NHS: variants seen among roughly 807,000 people sequenced by gnomAD.
The protein encoded by NHS is actin remodeling regulator NHS.
A neutral mutation model predicts 72.5 loss-of-function variants in NHS; 5 were observed. That is an observed-to-expected ratio of 0.07 (90% CI 0.04 to 0.14). NHS has a LOEUF of 0.14. Among genes scored for constraint, NHS ranks in the 10% least tolerant of loss-of-function variants. NHS has a pLI of 1.00. For synonymous variants in NHS, 464 were observed against 547.7 expected, an observed-to-expected ratio of 0.85 and a Z score of 2.13; for missense variants, 1,072 against 1,355.7, an observed-to-expected ratio of 0.79 and a Z score of 3.29.
At chrX:17,639,141 T>C (rs2065867080) in intron 1 of NHS, among the ~76,000 whole-genome samples, 1 of 112,115 alleles carries the variant, frequency 8.9e-6, no homozygotes, top group South Asian at 3.8e-4. Flanking sequence ...CTTTCCTGGC[T>C]ACCCAGCTGG....
rs956816221 is a variant in NHS, at chrX:17,503,895, C to A, written c.565+127573C>A. ...TCCCAACATTGAGGAGGAGAAACAA[C>A]CCTTGAATGAATTGACTTCCCAAAG... is the stretch of plus-strand genomic sequence containing the variant. On this transcript the variant is annotated intron_variant, in intron 1 of 8. Transcript: ENST00000676302. Among the ~76,000 whole-genome samples, 6 of 111,375 alleles carry A rather than the reference C, an allele frequency of 5.4e-5. No homozygotes were observed. The East Asian group carries it at 1.7e-3, about 31-fold the overall frequency.
intron 1 of NHS, among the ~76,000 whole-genome samples, chrX:17,551,757 C>G (rs1303167097): frequency 6.3e-5 from 7 of 111,245 alleles, no homozygotes. Flanking sequence ...CCTCCCTGTG[C>G]CTGTTCGTTG....
At chrX:17,698,202 T>A (rs1217100120) in intron 3 of NHS, among the ~76,000 whole-genome samples, 2 of 111,343 alleles carry the variant, frequency 1.8e-5, no homozygotes, top group African/African-American at 6.5e-5. Flanking sequence ...GTCCTGATTA[T>A]TTGAAAAAAC....
At chrX:17,579,415 TCTC>T (rs1462228332) in intron 1 of NHS, among the ~76,000 whole-genome samples, 1 of 110,921 alleles carries the variant, frequency 9.0e-6, no homozygotes, top group African/African-American at 3.3e-5. Context: ...CAGCCTTGCT[TCTC>T]CTGCCTTTTT....
At chrX:17,729,637 T>A (rs2066474184) in intron 8 of NHS, among the ~76,000 whole-genome samples, 1 of 112,126 alleles carries the variant, frequency 8.9e-6, no homozygotes, top group African/African-American at 3.2e-5. Flanking sequence ...CCATGAGCCC[T>A]TGTGATCCAT....
At chrX:17,484,090 T>C (rs2064957818) in intron 1 of NHS, among the ~76,000 whole-genome samples, 1 of 112,461 alleles carries the variant, frequency 8.9e-6, no homozygotes, top group Non-Finnish European at 1.9e-5. Context: ...CATTGGTAGC[T>C]TGAAATCAAC....
intron 1 of NHS, among the ~76,000 whole-genome samples, chrX:17,621,745 G>T (rs1318937684): frequency 9.0e-6 from 1 of 110,969 alleles, no homozygotes; most frequent in East Asian, 2.8e-4. Context: ...GAGCCCCCCA[G>T]GTAGTGACTC....
chrX:17,572,771 C>T (rs188243699), intron 1 of NHS, among the ~76,000 whole-genome samples: 229 of 111,190 alleles, frequency 2.1e-3, no homozygotes, highest in Middle Eastern at 9.3e-3. Flanking sequence ...TTCTTCATAG[C>T]GTCAATGGTC....
Position 17,376,217 on chromosome X carries a change from G to C in NHS, c.460G>C (p.Glu154Gln), listed in dbSNP as rs1156244479. 2 of 1,187,101 alleles carry C rather than the reference G, an allele frequency of 1.7e-6. No individual in the cohort carries two copies. The highest frequency in any genetic ancestry group is 2.3e-6 in the Non-Finnish European group (2 of 888,820). The change falls in exon 1 of 9, where the codon GAG (glutamate) becomes CAG (glutamine). Residue 154 changes from glutamate (E) to glutamine (Q), a missense_variant. Coordinates refer to ENST00000676302, the MANE Select transcript of NHS (RefSeq NM_001291867.2). Reference sequence around the variant, plus strand: ...CGCTTGCAGCCTCTTCCAGGAGCTCGAGAGCGACATCCAGCTCACCCACCG... The same window carrying C: ...CGCTTGCAGCCTCTTCCAGGAGCTCCAGAGCGACATCCAGCTCACCCACCG... ...RHACSLFQEL[E>Q]SDIQLTHRRV...
At chrX:17,679,359 A>G (rs781067327) in intron 1 of NHS, among the ~76,000 whole-genome samples, 44 of 112,066 alleles carry the variant, frequency 3.9e-4, no homozygotes, top group African/African-American at 1.1e-3. Flanking sequence ...TTTCCCTGCC[A>G]AAGTATACAG....
chrX:17,489,693 T>C (rs1274539271), intron 1 of NHS, among the ~76,000 whole-genome samples: 1 of 111,889 alleles, frequency 8.9e-6, no homozygotes, highest in Non-Finnish European at 1.9e-5. Context: ...TTCACTGTGT[T>C]AGCCAGGATT....
chrX:17,494,387 C>G, intron 1 of NHS, among the ~76,000 whole-genome samples: 1 of 111,977 alleles, frequency 8.9e-6, no homozygotes, highest in East Asian at 2.8e-4. Flanking sequence ...CCCTGTATGA[C>G]TCTTGAACTA....
chrX:17,731,273 C>T (rs1269628254), intron 8 of NHS, among the ~76,000 whole-genome samples: 8 of 83,327 alleles, frequency 9.6e-5, no homozygotes, highest in Non-Finnish European at 1.5e-4. Flanking sequence ...CTTGCTCTGT[C>T]GCCCAGGCTG....
At chrX:17,465,633 AT>A (rs1437505411) in intron 1 of NHS, among the ~76,000 whole-genome samples, 2 of 99,501 alleles carry the variant, frequency 2.0e-5, no homozygotes, top group South Asian at 4.6e-4. Context: ...AAAAAAAAAA[AT>A]TACTCCTTAC....
chrX:17,387,305 AG>A (rs1327522887), intron 1 of NHS, among the ~76,000 whole-genome samples: 1 of 112,104 alleles, frequency 8.9e-6, no homozygotes, highest in Non-Finnish European at 1.9e-5. Context: ...CCTACTCAAA[AG>A]GGAAATGAGG....
Position 17,728,148 on chromosome X carries a change from C to A in NHS, c.4042C>A (p.Arg1348Ser). The change falls in exon 7 of 9, where the codon CGC becomes AGC. Residue 1348 changes from arginine to serine, a missense_variant. Physicochemically the swap from Arg to Ser is moderately radical, Grantham distance 110. Coordinates refer to ENST00000676302, the MANE Select transcript of NHS (RefSeq NM_001291867.2). The part of the protein sequence containing the change: ...NQFKHQFVMS[R>S]HHDKVPGTIS... ...ATTTAAGCATCAATTTGTTATGAGC[C>A]GCCACCATGACAAAGTGCCTGGTAC... is the stretch of plus-strand genomic sequence containing the variant. 2 of 1,211,320 alleles carry A rather than the reference C, an allele frequency of 1.7e-6. No individual in the cohort carries two copies. Among genetic ancestry groups the A allele is most frequent in the Non-Finnish European group, 2.2e-6 (2 of 895,325 alleles).
intron 1 of NHS, among the ~76,000 whole-genome samples, chrX:17,631,758 G>T (rs747711915): frequency 1.7e-4 from 19 of 112,149 alleles, no homozygotes; most frequent in Non-Finnish European, 2.8e-4. Flanking sequence ...AAATGTATCA[G>T]CTGGGGATCA....
chrX:17,627,490 A>G (rs2065803462), intron 1 of NHS, among the ~76,000 whole-genome samples: 1 of 112,187 alleles, frequency 8.9e-6, no homozygotes, highest in Admixed American at 9.5e-5. Flanking sequence ...CAGGAGTTAC[A>G]TAACTAATAC....
chrX:17,696,491 G>C (rs773601799), intron 3 of NHS, among the ~76,000 whole-genome samples: 60 of 112,402 alleles, frequency 5.3e-4, no homozygotes, highest in African/African-American at 1.8e-3. Context: ...GCGTTTGCCA[G>C]AGCTGTAACA....
Sources: gnomAD v4.1 joint callset for allele counts (sites outside exome capture counted in the v4.1 genomes callset) on GRCh38, gnomAD v4.1.1 for gene constraint, MANE v1.5 for transcripts, NCBI Gene and HGNC (gene_info 2026-07-23, HGNC 2026-07-21) for gene names.